SLC25A20: variants seen among roughly 807,000 people sequenced by gnomAD.
SLC25A20 encodes the protein mitochondrial carnitine/acylcarnitine carrier protein.
In SLC25A20, 29 loss-of-function variants were observed where a neutral mutation model predicts 39.7. The observed-to-expected ratio is 0.73, with a 90% CI of 0.54 to 1.00. SLC25A20 has a LOEUF of 1.00. Among genes scored for constraint, SLC25A20 ranks in the 50% least tolerant of loss-of-function variants. The pLI, the probability that SLC25A20 is intolerant of heterozygous loss-of-function variation, is 0.00. For synonymous variants in SLC25A20, 103 were observed against 142.2 expected (o/e 0.72, Z 1.96); for missense variants, 333 against 379.9 (o/e 0.88, Z 1.03).
At chr3:48,882,685 A>AC (rs747282914) in intron 3 of SLC25A20, among the ~76,000 whole-genome samples, 41 of 151,772 alleles carry the variant, frequency 2.7e-4, no homozygotes, top group African/African-American at 4.4e-4. Flanking sequence ...TAATGAGAGC[A>AC]CCCCCCGCCG....
Position 48,885,579 on chromosome 3 carries a change from G to A in SLC25A20, c.199-1455C>T, listed in dbSNP as rs145320616. ...CCAGCACTTTGGGAGGCCAAGGCAGGCGGATCACAAGGTAGGAGATCAAGA... is the reference window on the plus strand; with the variant it reads ...CCAGCACTTTGGGAGGCCAAGGCAGACGGATCACAAGGTAGGAGATCAAGA... On this transcript the variant is annotated intron_variant, in intron 2 of 8. Transcript: ENST00000319017. Among the ~76,000 whole-genome samples the A allele has an allele frequency of 3.9e-3, 597 of 152,228 alleles. 3 individuals carry two copies. The highest frequency in any genetic ancestry group is 0.017 in the South Asian group (81 of 4,826).
intron 8 of SLC25A20, among the ~76,000 whole-genome samples, 185 bp downstream of exon 8, chr3:48,858,322 G>A (rs1460710217): frequency 1.3e-5 from 2 of 152,204 alleles, no homozygotes; most frequent in South Asian, 2.1e-4. Context: ...CCTCACCTCA[G>A]AGATCCCCAA....
chr3:48,886,834 A>G (rs1414020667), intron 2 of SLC25A20, among the ~76,000 whole-genome samples: 1 of 152,128 alleles, frequency 6.6e-6, no homozygotes, highest in African/African-American at 2.4e-5. Flanking sequence ...TTTTTAAAAC[A>G]AATACAAAAA....
chr3:48,894,183 T>TTCTCTCTCTC (rs375593797), intron 1 of SLC25A20, among the ~76,000 whole-genome samples: 2,396 of 110,216 alleles, frequency 0.022, 86 homozygotes, highest in Admixed American at 0.084. Context: ...AAGAAGAAGA[T>TTCTCTCTCTC]TCTCTCTCTC....
intron 1 of SLC25A20, 151 bp from the exon 2 acceptor site, chr3:48,892,223 T>C (rs1364948465): frequency 4.3e-6 from 3 of 701,976 alleles, no homozygotes; most frequent in African/African-American, 3.5e-5. Context: ...CAAACTTCTC[T>C]TTCATTTCAT....
At chr3:48,879,881 A>C (rs1032137232) in intron 3 of SLC25A20, among the ~76,000 whole-genome samples, 4 of 152,048 alleles carry the variant, frequency 2.6e-5, no homozygotes, top group Non-Finnish European at 5.9e-5. Context: ...TCTGGACTTT[A>C]ATCTCCCCCA....
chr3:48,882,493 A>T (rs2083801721), intron 3 of SLC25A20, among the ~76,000 whole-genome samples: 1 of 152,212 alleles, frequency 6.6e-6, no homozygotes, highest in Non-Finnish European at 1.5e-5. Context: ...TTAAGCATTC[A>T]GACCTCTCAA....
At chr3:48,870,416 A>C (rs887368385) in intron 4 of SLC25A20, among the ~76,000 whole-genome samples, 2 of 152,216 alleles carry the variant, frequency 1.3e-5, no homozygotes, top group Admixed American at 6.6e-5. Flanking sequence ...CAAGCAATGA[A>C]CATGTGGACA....
intron 2 of SLC25A20, among the ~76,000 whole-genome samples, chr3:48,887,928 G>A (rs1028429284): frequency 6.6e-6 from 1 of 151,884 alleles, no homozygotes; most frequent in Non-Finnish European, 1.5e-5. Flanking sequence ...GAAAGGGCAG[G>A]CCAGGCGTGG....
At chr3:48,897,963 A>G (rs747990605) in intron 1 of SLC25A20, among the ~76,000 whole-genome samples, 2 of 152,232 alleles carry the variant, frequency 1.3e-5, no homozygotes, top group Non-Finnish European at 2.9e-5. Context: ...TAGTTGAGAT[A>G]TGATATGAGG....
At chr3:48,863,011 G>C (rs891322019) in intron 4 of SLC25A20, among the ~76,000 whole-genome samples, 2 of 152,156 alleles carry the variant, frequency 1.3e-5, no homozygotes, top group African/African-American at 4.8e-5. Context: ...GGTCAACACG[G>C]TGAAACCCTG....
In SLC25A20 at chr3:48,883,985, G is replaced by C; in HGVS notation, c.326+12C>G. On this transcript the variant is annotated intron_variant, in intron 3 of 8. Coordinates refer to ENST00000319017, the MANE Select transcript of SLC25A20 (RefSeq NM_000387.6). ...GCAGAACAGCAAGTGCTCCTGACCT[G>C]TAAGTACTCACCTGAGCACATCTTC... The C allele has an allele frequency of 6.2e-7, 1 of 1,612,818 alleles. No individual in the cohort carries two copies. Among genetic ancestry groups the C allele is most frequent in the Non-Finnish European group, 8.5e-7 (1 of 1,179,226 alleles).
intron 4 of SLC25A20, among the ~76,000 whole-genome samples, chr3:48,866,032 G>A (rs372204269): frequency 1.4e-4 from 22 of 151,992 alleles, no homozygotes; most frequent in East Asian, 9.6e-4. Flanking sequence ...TACTCGGGAG[G>A]CTGAGGCAGG....
chr3:48,858,818 C>T (rs145315871), intron 7 of SLC25A20, 187 bp from the exon 8 acceptor site: 59 of 763,714 alleles, frequency 7.7e-5, no homozygotes, highest in East Asian at 7.0e-4. Flanking sequence ...GGAATAGAAA[C>T]GAGGGAAGAA....
rs2106665785 is a variant in SLC25A20, at chr3:48,891,969, C to T, written c.198+11G>A. The T allele has an allele frequency of 1.2e-6, 2 of 1,600,882 alleles. No individual in the cohort carries two copies. Among genetic ancestry groups the T allele is most frequent in the Non-Finnish European group, 1.7e-6 (2 of 1,168,018 alleles). ...TCTGAGTAAGAGGAATGCCCAGCAC[C>T]ATATACCAACCTCTCTAAAAAGAGT... On this transcript the variant is annotated intron_variant, in intron 2 of 8. Coordinates refer to ENST00000319017, the MANE Select transcript of SLC25A20 (RefSeq NM_000387.6).
intron 4 of SLC25A20, among the ~76,000 whole-genome samples, chr3:48,877,630 G>A (rs573100740): frequency 5.3e-5 from 8 of 150,008 alleles, no homozygotes; most frequent in Non-Finnish European, 1.0e-4. Context: ...TCAGGAGGCT[G>A]AGGCAGGGGA....
chr3:48,898,839 T>A lies in SLC25A20; in HGVS notation c.-45A>T. ...CCGTCTGTCAGTTCTCGGGCCGTCC[T>A]GGCTTCTCAGCCCCAGCTGCAGTGC... is the stretch of plus-strand genomic sequence containing the variant. On this transcript the variant is annotated 5_prime_UTR_variant, in exon 1 of 9. Transcript: ENST00000319017. 1 of 1,533,720 alleles carries A rather than the reference T, an allele frequency of 6.5e-7. No individual in the cohort carries two copies. Among genetic ancestry groups the A allele is most frequent in the Non-Finnish European group, 8.8e-7 (1 of 1,131,382 alleles).
chr3:48,889,791 T>G (rs1050799453), intron 2 of SLC25A20, among the ~76,000 whole-genome samples: 4 of 152,228 alleles, frequency 2.6e-5, no homozygotes, highest in Admixed American at 2.6e-4. Context: ...TTATCAATCA[T>G]TAGTATAAAC....
chr3:48,872,360 C>T (rs957805270), intron 4 of SLC25A20, among the ~76,000 whole-genome samples: 1 of 151,746 alleles, frequency 6.6e-6, no homozygotes, highest in African/African-American at 2.4e-5. Flanking sequence ...AAATTCCTGA[C>T]CTCAAGTGAT....
Sources: gnomAD v4.1 joint callset for allele counts (sites outside exome capture counted in the v4.1 genomes callset) on GRCh38, gnomAD v4.1.1 for gene constraint, MANE v1.5 for transcripts, NCBI Gene and HGNC (gene_info 2026-07-23, HGNC 2026-07-21) for gene names.